Variants in FAAH2 observed in about 807,000 individuals in gnomAD.
FAAH2 encodes the protein fatty acid amide hydrolase 2.
In FAAH2, 60 loss-of-function variants were observed where a neutral mutation model predicts 36.9. That is an observed-to-expected ratio of 1.63 (90% CI 1.32 to 2.02). The LOEUF (loss-of-function observed/expected upper bound fraction) is 2.02. Ranked by LOEUF, FAAH2 falls within the 30% of genes most tolerant of loss-of-function variation. FAAH2 has a pLI of 0.00. For missense variants in FAAH2, 689 were observed against 397.5 expected (o/e 1.73, Z -6.23); for synonymous variants, 214 against 143.8 (o/e 1.49, Z -3.49).
At chrX:57,386,514 G>A (rs1245642044) in intron 7 of FAAH2, among the ~76,000 whole-genome samples, 1 of 111,200 alleles carries the variant, frequency 9.0e-6, no homozygotes, top group Non-Finnish European at 1.9e-5. Context: ...GTAAGTGAAT[G>A]GAAGTAAATT....
At chrX:57,346,772 CTGG>C (rs1460869384) in intron 5 of FAAH2, among the ~76,000 whole-genome samples, 10 of 111,588 alleles carry the variant, frequency 9.0e-5, no homozygotes, top group Non-Finnish European at 1.9e-4. Context: ...TAAGGTTGGT[CTGG>C]TGGTAACACA....
intron 10 of FAAH2, among the ~76,000 whole-genome samples, chrX:57,451,094 A>T (rs1391765779): frequency 6.3e-5 from 7 of 111,847 alleles, no homozygotes; most frequent in Non-Finnish European, 1.1e-4. Context: ...ACATTTCCAA[A>T]GTCACATAGC....
intron 2 of FAAH2, among the ~76,000 whole-genome samples, chrX:57,300,379 G>C (rs1358614124): frequency 8.9e-6 from 1 of 111,864 alleles, no homozygotes; most frequent in African/African-American, 3.2e-5. Context: ...TTTAATAAAT[G>C]GTTCTGTGAA....
rs758730586 is a variant in FAAH2 at position 57,460,187 on chromosome X, G to A, written c.1423+11469G>A. ...AAGAATGAACCTACGATGGATTGGG[G>A]TCCCTGAAAGTGATGAGGAGAATGG... is the stretch of plus-strand genomic sequence containing the variant. On this transcript the variant is annotated intron_variant, in intron 10 of 10. Transcript: ENST00000374900. 5.4e-5 allele frequency among the ~76,000 whole-genome samples: 6 copies of A among 111,825 alleles called. No individual in the cohort carries two copies. In the East Asian group the frequency reaches 8.5e-4, roughly 16 times the overall value.
At chrX:57,329,103 C>G (rs762038541) in intron 3 of FAAH2, among the ~76,000 whole-genome samples, 1 of 112,214 alleles carries the variant, frequency 8.9e-6, no homozygotes, top group African/African-American at 3.2e-5. Flanking sequence ...TGGGTTTATG[C>G]TCCTCAGCTG....
At chrX:57,355,840 G>T (rs1319155175) in intron 5 of FAAH2, among the ~76,000 whole-genome samples, 1 of 111,045 alleles carries the variant, frequency 9.0e-6, no homozygotes, top group Non-Finnish European at 1.9e-5. Context: ...GATGGGGCAA[G>T]AATAGTCATT....
chrX:57,163,816 C>A, the FAAH2 span, among the ~76,000 whole-genome samples: 7 of 112,276 alleles, frequency 6.2e-5, no homozygotes, highest in African/African-American at 2.3e-4. Flanking sequence ...AGAAATCACC[C>A]GTCTTCTGCG....
the FAAH2 span, among the ~76,000 whole-genome samples, chrX:57,165,905 A>G: frequency 9.1e-6 from 1 of 110,068 alleles, no homozygotes; most frequent in African/African-American, 3.3e-5. Flanking sequence ...GCTTTTTCCA[A>G]GACCACCTTG....
Position 57,310,673 on chromosome X carries a change from A to G in FAAH2, c.356A>G (p.Asn119Ser). The change falls in exon 3 of 11, where the codon AAT (asparagine) becomes AGT (serine). Residue 119 changes from asparagine to serine, a missense_variant. Coordinates refer to ENST00000374900, the MANE Select transcript of FAAH2 (RefSeq NM_174912.4). Reference protein sequence around the residue: ...EKQEDEATLENKWPFLGVPLT... With the variant: ...EKQEDEATLESKWPFLGVPLT... ...CAGGAAGATGAAGCCACCCTGGAAA[A>G]TAAATGGCCCTTCCTTGGGGTTCCT... is the stretch of plus-strand genomic sequence containing the variant. 1.7e-6 allele frequency: 2 copies of G among 1,210,163 alleles called. No individual in the cohort carries two copies. Among genetic ancestry groups the G allele is most frequent in the Non-Finnish European group, 2.2e-6 (2 of 894,658 alleles).
chrX:57,482,228 C>G (rs1241605844), intron 10 of FAAH2, among the ~76,000 whole-genome samples: 1 of 111,483 alleles, frequency 9.0e-6, no homozygotes, highest in Non-Finnish European at 1.9e-5. Flanking sequence ...GCTTCAGACC[C>G]CTTTCCAGGA....
intron 5 of FAAH2, among the ~76,000 whole-genome samples, chrX:57,353,078 A>G (rs2054066783): frequency 9.0e-6 from 1 of 110,535 alleles, no homozygotes; most frequent in African/African-American, 3.3e-5. Context: ...TACCAACATC[A>G]TTTTCACAGT....
chrX:57,311,345 C>T (rs926461436), intron 3 of FAAH2, among the ~76,000 whole-genome samples: 6 of 112,275 alleles, frequency 5.3e-5, no homozygotes, highest in African/African-American at 1.9e-4. Context: ...GTAACTGAAG[C>T]CTGGCCTTAA....
chrX:57,448,240 G>A (rs2056719687), intron 9 of FAAH2, among the ~76,000 whole-genome samples: 2 of 111,900 alleles, frequency 1.8e-5, no homozygotes, highest in South Asian at 7.3e-4. Flanking sequence ...AGAAGTGCTG[G>A]GATTACAGAC....
At chrX:57,285,812 G>A (rs766189832), upstream of FAAH2, among the ~76,000 whole-genome samples, 3 of 111,720 alleles carry the variant, frequency 2.7e-5, no homozygotes, top group African/African-American at 6.5e-5. Context: ...GAATTATTGC[G>A]GAGTTATTGG....
At chrX:57,365,461 T>A (rs1047969859) in intron 5 of FAAH2, among the ~76,000 whole-genome samples, 1 of 111,786 alleles carries the variant, frequency 8.9e-6, no homozygotes, top group Non-Finnish European at 1.9e-5. Context: ...GTAGGTGACA[T>A]GCTCCTTCTC....
At chrX:57,437,121 C>A (rs915739504) in intron 8 of FAAH2, among the ~76,000 whole-genome samples, 1 of 110,986 alleles carries the variant, frequency 9.0e-6, no homozygotes, top group South Asian at 3.7e-4. Context: ...ACAAAAATAA[C>A]AAAACCATAT....
chrX:57,143,156 G>A, the FAAH2 span, among the ~76,000 whole-genome samples: 3 of 110,487 alleles, frequency 2.7e-5, no homozygotes, highest in African/African-American at 9.9e-5. Flanking sequence ...TGTGTTATTT[G>A]CTTCCTGCTT....
chrX:57,199,691 A>T, the FAAH2 span, among the ~76,000 whole-genome samples: 4 of 111,607 alleles, frequency 3.6e-5, no homozygotes, highest in Non-Finnish European at 5.6e-5. Context: ...TCAAGTCTCC[A>T]GCTATTATTG....
At chrX:57,193,775 T>C in the FAAH2 span, among the ~76,000 whole-genome samples, 1 of 112,081 alleles carries the variant, frequency 8.9e-6, no homozygotes, top group African/African-American at 3.2e-5. Flanking sequence ...TCAGCATCAA[T>C]TGAAACAGAC....
Sources: allele counts gnomAD v4.1 joint callset (sites outside exome capture counted in the v4.1 genomes callset), GRCh38; gene constraint gnomAD v4.1.1; transcripts MANE v1.5; gene names NCBI Gene and HGNC (gene_info 2026-07-23, HGNC 2026-07-21).